Variants in SH3RF3 observed in about 807,000 individuals in gnomAD.
SH3RF3 encodes SH3 domain containing ring finger 3, also known as E3 ubiquitin-protein ligase SH3RF3.
A neutral mutation model predicts 66.3 loss-of-function variants in SH3RF3; 29 were observed. The observed-to-expected ratio is 0.44, with a 90% CI of 0.33 to 0.60. The LOEUF (loss-of-function observed/expected upper bound fraction) is 0.60. Ranked by LOEUF, SH3RF3 falls within the 20% of genes least tolerant of loss-of-function variation. The probability of loss-of-function intolerance (pLI) is 0.04; values close to 1 mark genes in which losing one functional copy is unlikely to be tolerated. For synonymous variants in SH3RF3, 583 were observed against 532.0 expected (o/e 1.10, Z -1.32); for missense variants, 1,194 against 1,190.9 (o/e 1.00, Z -0.04).
chr2:109,182,766 A>G (rs1678100315), intron 1 of SH3RF3, among the ~76,000 whole-genome samples: 1 of 152,208 alleles, frequency 6.6e-6, no homozygotes, highest in Non-Finnish European at 1.5e-5. Context: ...CTTATTTTTA[A>G]TTTTAAAATT....
At chr2:109,171,720 C>G (rs891420) in intron 1 of SH3RF3, among the ~76,000 whole-genome samples, 39,803 of 152,264 alleles carry the variant, frequency 0.26, 5,542 homozygotes, top group East Asian at 0.42. Context: ...GAGGCCCAGC[C>G]CCTGCGCCTG....
intron 1 of SH3RF3, among the ~76,000 whole-genome samples, chr2:109,239,032 A>G (rs982845824): frequency 6.6e-6 from 1 of 152,220 alleles, no homozygotes; most frequent in African/African-American, 2.4e-5. Flanking sequence ...TAAATGTAAT[A>G]AAAATAAGCA....
At chr2:109,250,439 A>C (rs1284252397) in intron 1 of SH3RF3, among the ~76,000 whole-genome samples, 1 of 152,006 alleles carries the variant, frequency 6.6e-6, no homozygotes, top group Non-Finnish European at 1.5e-5. Context: ...CATCATAATA[A>C]ATTTTGATAT....
chr2:109,474,251 C>T (rs1678613617), intron 8 of SH3RF3, among the ~76,000 whole-genome samples: 1 of 152,198 alleles, frequency 6.6e-6, no homozygotes, highest in African/African-American at 2.4e-5. Flanking sequence ...TTGTCTGCAG[C>T]AGTCCTTTTA....
intron 1 of SH3RF3, among the ~76,000 whole-genome samples, chr2:109,344,396 T>C (rs950850913): frequency 1.3e-5 from 2 of 152,186 alleles, no homozygotes; most frequent in Non-Finnish European, 2.9e-5. Flanking sequence ...AAGCCCTGCA[T>C]GTTCCAGGTT....
chr2:109,500,122 G>T (rs1272178146), intron 9 of SH3RF3, among the ~76,000 whole-genome samples: 1 of 152,168 alleles, frequency 6.6e-6, no homozygotes, highest in Non-Finnish European at 1.5e-5. Flanking sequence ...TCTTTTGGCT[G>T]CCGTGAGGTT....
intron 2 of SH3RF3, among the ~76,000 whole-genome samples, chr2:109,370,136 T>C (rs1375343841): frequency 6.6e-6 from 1 of 152,098 alleles, no homozygotes; most frequent in Non-Finnish European, 1.5e-5. Context: ...GGAACAGAGG[T>C]TCGCCAAAGG....
At chr2:109,233,283 A>T (rs1679564394) in intron 1 of SH3RF3, among the ~76,000 whole-genome samples, 1 of 152,120 alleles carries the variant, frequency 6.6e-6, no homozygotes, top group Admixed American at 6.5e-5. Flanking sequence ...CAGAGGTTGT[A>T]TTGAGTGATG....
At chr2:109,270,249 G>A (rs545329171) in intron 1 of SH3RF3, among the ~76,000 whole-genome samples, 2 of 152,190 alleles carry the variant, frequency 1.3e-5, no homozygotes, top group Non-Finnish European at 2.9e-5. Context: ...GGTTAGGCTG[G>A]AACACCTGAA....
chr2:109,219,983 G>A (rs931019539), intron 1 of SH3RF3, among the ~76,000 whole-genome samples: 1 of 152,154 alleles, frequency 6.6e-6, no homozygotes, highest in African/African-American at 2.4e-5. Flanking sequence ...ATCTTGAAAA[G>A]GAGGAGCAAA....
chr2:109,336,193 C>T (rs908753502), intron 1 of SH3RF3, among the ~76,000 whole-genome samples: 3 of 152,170 alleles, frequency 2.0e-5, no homozygotes, highest in African/African-American at 7.2e-5. Context: ...TCACCACGTG[C>T]CTAGAAGCTG....
At chr2:109,321,153 T>C (rs541864294) in intron 1 of SH3RF3, among the ~76,000 whole-genome samples, 1 of 152,386 alleles carries the variant, frequency 6.6e-6, no homozygotes, top group East Asian at 1.9e-4. Context: ...TGTGCATGGA[T>C]GCACCTCTCA....
chr2:109,134,986 G>A (rs761750213), intron 1 of SH3RF3, among the ~76,000 whole-genome samples: 1 of 152,200 alleles, frequency 6.6e-6, no homozygotes, highest in Non-Finnish European at 1.5e-5. Flanking sequence ...TAACCCAGCA[G>A]CTCTGTGCTC....
intron 1 of SH3RF3, among the ~76,000 whole-genome samples, chr2:109,187,388 A>T (rs2105007826): frequency 6.6e-6 from 1 of 152,196 alleles, no homozygotes; most frequent in East Asian, 1.9e-4. Flanking sequence ...TATTATTTAG[A>T]AAAAGCTAAG....
intron 8 of SH3RF3, among the ~76,000 whole-genome samples, chr2:109,488,469 G>A (rs1451736141): frequency 1.3e-5 from 2 of 152,320 alleles, no homozygotes; most frequent in African/African-American, 2.4e-5. Flanking sequence ...CGGAGGGGCT[G>A]ACGGGCCCAG....
At chr2:109,215,387 G>A (rs563428856) in intron 1 of SH3RF3, among the ~76,000 whole-genome samples, 11 of 152,228 alleles carry the variant, frequency 7.2e-5, no homozygotes, top group Admixed American at 5.9e-4. Flanking sequence ...GAGAAGGTAC[G>A]TTGATAAAGA....
In SH3RF3 at chr2:109,133,503, T is replaced by C. The variant is rs143821365; in HGVS notation, c.573+3390T>C. Among the ~76,000 whole-genome samples the C allele has an allele frequency of 9.1e-3, 1,388 of 152,362 alleles. 11 individuals carry two copies. Among genetic ancestry groups the C allele is most frequent in the Middle Eastern group, 0.017 (5 of 294 alleles). On this transcript the variant is annotated intron_variant, in intron 1 of 9. Coordinates refer to ENST00000309415, the MANE Select transcript of SH3RF3 (RefSeq NM_001099289.3). Reference sequence around the variant, plus strand: ...GAGGACCTTTCTTTGAGTTCCAGATTGTCTTTTTAGCTGAACACAGTCACC... The same window carrying C: ...GAGGACCTTTCTTTGAGTTCCAGATCGTCTTTTTAGCTGAACACAGTCACC...
At chr2:109,196,403 G>A (rs184246398) in intron 1 of SH3RF3, among the ~76,000 whole-genome samples, 2 of 152,158 alleles carry the variant, frequency 1.3e-5, no homozygotes, top group Admixed American at 6.5e-5. Context: ...ATCCCGTGGC[G>A]GGCAGCCTCC....
intron 2 of SH3RF3, among the ~76,000 whole-genome samples, chr2:109,357,487 A>G (rs1682973537): frequency 6.6e-6 from 1 of 152,130 alleles, no homozygotes; most frequent in Non-Finnish European, 1.5e-5. Context: ...GGCCAACAGA[A>G]TATATTCTTA....
Sources: gnomAD v4.1 joint callset for allele counts (sites outside exome capture counted in the v4.1 genomes callset) on GRCh38, gnomAD v4.1.1 for gene constraint, MANE v1.5 for transcripts, NCBI Gene and HGNC (gene_info 2026-07-23, HGNC 2026-07-21) for gene names.